RYR2: variants seen among roughly 807,000 people sequenced by gnomAD.
The protein encoded by RYR2 is cardiac muscle ryanodine receptor-calcium release channel.
A neutral mutation model predicts 601.1 loss-of-function variants in RYR2; 227 were observed. The observed-to-expected ratio is 0.38, with a 90% confidence interval of 0.34 to 0.42. RYR2 has a LOEUF of 0.42. RYR2 is among the 10% of genes least tolerant of loss of function. The probability of loss-of-function intolerance (pLI) is 1.00; values close to 1 mark genes in which losing one functional copy is unlikely to be tolerated. For missense variants in RYR2, 4,646 were observed against 6,156.5 expected (o/e 0.75, Z 8.21); for synonymous variants, 2,223 against 2,175.1 (o/e 1.02, Z -0.61).
chr1:237,505,255 T>G (rs1184040613), intron 22 of RYR2, among the ~76,000 whole-genome samples: 1 of 152,226 alleles, frequency 6.6e-6, no homozygotes, highest in Admixed American at 6.5e-5. Context: ...TTTTTCTGTT[T>G]CATAGATGTA....
chr1:237,311,153 A>G (rs1225596331), intron 2 of RYR2, among the ~76,000 whole-genome samples: 2 of 152,226 alleles, frequency 1.3e-5, no homozygotes, highest in Non-Finnish European at 2.9e-5. Context: ...TGGCTTTAAG[A>G]GTTTCTGCAG....
rs727503400 is a variant in RYR2, at chr1:237,614,134, A to G, written c.5006A>G (p.Asn1669Ser). The G allele has an allele frequency of 4.3e-6, 7 of 1,613,922 alleles. No homozygotes were observed. The highest frequency in any genetic ancestry group is 1.6e-4 in the Middle Eastern group (1 of 6,062). The change falls in exon 37 of 105, where the codon AAC (asparagine) becomes AGC (serine). Residue 1669 changes from asparagine to serine, a missense_variant. Physicochemically the swap from Asn to Ser is conservative, Grantham distance 46. This residue lies in a region of RYR2 where 1,807 missense variants were observed against 2,088.1 expected (regional missense o/e 0.87). Transcript: ENST00000366574. The surrounding 1 kb of genome is among the most constrained non-coding windows in gnomAD (Gnocchi z 4.3). ...TACTCAGCCGTCTGTGCTCTTGGGAACCACCGGGTGGCCCATGCCCTGTGC... is the reference window on the plus strand; with the variant it reads ...TACTCAGCCGTCTGTGCTCTTGGGAGCCACCGGGTGGCCCATGCCCTGTGC... ...RLYSAVCALGNHRVAHALCSH... is the reference protein window; with the variant it reads ...RLYSAVCALGSHRVAHALCSH...
intron 32 of RYR2, among the ~76,000 whole-genome samples, chr1:237,593,260 T>C (rs775112733): frequency 2.6e-5 from 4 of 152,178 alleles, no homozygotes; most frequent in Non-Finnish European, 4.4e-5. Flanking sequence ...TCTTTCCTGT[T>C]ATTTCTTATT....
chr1:237,804,111 C>T (rs995168443), intron 98 of RYR2, among the ~76,000 whole-genome samples: 44 of 152,172 alleles, frequency 2.9e-4, no homozygotes, highest in African/African-American at 1.1e-3. Flanking sequence ...AAGAAATTTT[C>T]CTAAAATGCC....
At chr1:237,712,070 G>C (rs1476369790) in intron 71 of RYR2, among the ~76,000 whole-genome samples, 1 of 152,072 alleles carries the variant, frequency 6.6e-6, no homozygotes, top group Non-Finnish European at 1.5e-5. Context: ...CATTTCTACT[G>C]ACAGATCCCT....
At chr1:237,260,294 A>G (rs958866915) in intron 1 of RYR2, among the ~76,000 whole-genome samples, 6 of 152,220 alleles carry the variant, frequency 3.9e-5, no homozygotes, top group African/African-American at 9.6e-5. Flanking sequence ...TGACGTGTGC[A>G]AGGAAAATGG....
Position 237,131,408 on chromosome 1 carries a change from G to A in RYR2, c.48+88839G>A, listed in dbSNP as rs2148704563. The stretch of plus-strand genomic sequence containing the variant: ...GAGATAAACAAAAGAGTCAAGTGAT[G>A]GGGTGGGGAGGGGGAACAAGGCCCA... On this transcript the variant is annotated intron_variant, in intron 1 of 104. Transcript: ENST00000366574. 1.3e-5 allele frequency among the ~76,000 whole-genome samples: 2 copies of A among 152,250 alleles called. 1 individual carries two copies.
In RYR2 at chr1:237,550,685, G is replaced by T. The variant is rs1670298968; in HGVS notation, c.3208G>T (p.Asp1070Tyr). The change falls in exon 27 of 105, where the codon GAT becomes TAT. Residue 1070 changes from aspartate to tyrosine, a missense_variant. Around this residue, in one of 17 missense-constraint regions of RYR2, gnomAD observed 1,807 missense variants for 2,088.1 expected, o/e 0.87. Transcript: ENST00000366574. The stretch of plus-strand genomic sequence containing the variant: ...CTACAACTTGGAAGCACCAGATCAA[G>T]ATCATGGTATTTTGGTTTTACTTTC... Reference protein sequence around the residue: ...YGYNLEAPDQDHAARAEVCSG... With the variant: ...YGYNLEAPDQYHAARAEVCSG... The T allele has an allele frequency of 6.5e-7, 1 of 1,549,374 alleles. No individual in the cohort carries two copies. The highest frequency in any genetic ancestry group is 1.2e-5 in the South Asian group (1 of 83,186).
chr1:237,743,101 T>C (rs1691756885), intron 80 of RYR2, among the ~76,000 whole-genome samples: 1 of 152,208 alleles, frequency 6.6e-6, no homozygotes, highest in South Asian at 2.1e-4. Context: ...ATAAAGAAAT[T>C]AAGTGCAGGG....
At chr1:237,627,786 A>AG in intron 40 of RYR2, 21 bp from the exon 41 acceptor site, 1 of 1,556,406 alleles carries the variant, frequency 6.4e-7, no homozygotes, top group Non-Finnish European at 8.7e-7. Flanking sequence ...CTTTTAAAAA[A>AG]TATCCATAAT....
intron 3 of RYR2, among the ~76,000 whole-genome samples, chr1:237,345,479 A>AT (rs1698221180): frequency 6.6e-6 from 1 of 151,260 alleles, no homozygotes; most frequent in African/African-American, 2.4e-5. Context: ...AAAAATAAAA[A>AT]ATAAAAAAAA....
At chr1:237,799,364 G>A (rs1235403268) in intron 97 of RYR2, among the ~76,000 whole-genome samples, 1 of 152,020 alleles carries the variant, frequency 6.6e-6, no homozygotes, top group Admixed American at 6.6e-5. Flanking sequence ...GAATTAAATA[G>A]TTTTACTGAG....
chr1:237,141,275 GT>G (rs1673360555), intron 1 of RYR2, among the ~76,000 whole-genome samples: 1 of 152,180 alleles, frequency 6.6e-6, no homozygotes, highest in African/African-American at 2.4e-5. Context: ...ATTAATTAAT[GT>G]GTTTGCTGTA....
intron 8 of RYR2, among the ~76,000 whole-genome samples, chr1:237,382,481 C>G (rs887479241): frequency 6.6e-6 from 1 of 151,656 alleles, no homozygotes; most frequent in Non-Finnish European, 1.5e-5. Context: ...CACCCATTAA[C>G]TTGTCATTTA....
intron 1 of RYR2, among the ~76,000 whole-genome samples, chr1:237,157,917 T>C (rs1382022594): frequency 6.6e-6 from 1 of 152,174 alleles, no homozygotes; most frequent in Non-Finnish European, 1.5e-5. Context: ...ACATGATAAA[T>C]GTTTGAGATA....
intron 42 of RYR2, among the ~76,000 whole-genome samples, chr1:237,633,071 G>A (rs1406582409): frequency 7.2e-5 from 11 of 152,078 alleles, no homozygotes; most frequent in Admixed American, 7.2e-4. Context: ...AAATCAGGGA[G>A]GTTGTAAATC....
chr1:237,093,203 A>G (rs1558219850), intron 1 of RYR2, among the ~76,000 whole-genome samples: 1 of 152,188 alleles, frequency 6.6e-6, no homozygotes, highest in Admixed American at 6.5e-5. Context: ...CAGTGATTCC[A>G]TAAGATCATC....
At chr1:237,713,470 C>T (rs1200678788) in intron 71 of RYR2, among the ~76,000 whole-genome samples, 1 of 152,040 alleles carries the variant, frequency 6.6e-6, no homozygotes, top group African/African-American at 2.4e-5. Context: ...GATCTCGGCT[C>T]ACTGCAACCT....
chr1:237,590,938 A>C lies in RYR2; in HGVS notation c.4106A>C (p.Glu1369Ala). The part of the protein sequence containing the change: ...VDKDKEATKP[E>A]FNNHKDYAQE... ...AAAGACAAAGAAGCTACTAAACCAG[A>C]GTTTAACAACCACAAAGATTATGCC... Residue 1369 changes from glutamate to alanine, a missense_variant, in exon 31 of 105, where the codon GAG becomes GCG. Physicochemically the swap from Glu to Ala is moderately radical, Grantham distance 107. Transcript: ENST00000366574. 6.2e-7 allele frequency: 1 copy of C among 1,613,886 alleles called. No individual in the cohort carries two copies. The highest frequency in any genetic ancestry group is 1.3e-5 in the African/African-American group (1 of 75,022).
Sources: allele counts gnomAD v4.1 joint callset (sites outside exome capture counted in the v4.1 genomes callset), GRCh38; gene constraint gnomAD v4.1.1; regional missense constraint gnomAD v4.1.1; non-coding constraint Gnocchi (gnomAD v3.1); transcripts MANE v1.5; gene names NCBI Gene and HGNC (gene_info 2026-07-23, HGNC 2026-07-21).